Variants in WNT7B observed in about 807,000 individuals in gnomAD.
The protein encoded by WNT7B is protein Wnt-7b.
WNT7B carries 19 observed loss-of-function variants against 38.2 expected under a neutral mutation model. That is an observed-to-expected ratio of 0.50 (90% CI 0.35 to 0.73). The LOEUF (loss-of-function observed/expected upper bound fraction) is 0.73. Among genes scored for constraint, WNT7B ranks in the 30% least tolerant of loss-of-function variants. The pLI, the probability that WNT7B is intolerant of heterozygous loss-of-function variation, is 0.01. For synonymous variants in WNT7B, 243 were observed against 209.3 expected, an observed-to-expected ratio of 1.16 and a Z score of -1.39; for missense variants, 423 against 507.9, an observed-to-expected ratio of 0.83 and a Z score of 1.61.
At chr22:45,927,400 G>A in intron 3 of WNT7B, 1 of 1,526,318 alleles carries the variant, frequency 6.6e-7, no homozygotes, top group Non-Finnish European at 8.8e-7. Flanking sequence ...TCTCACTCTT[G>A]CCCATCAGGG....
chr22:45,937,931 C>T (rs1381063941), intron 2 of WNT7B, among the ~76,000 whole-genome samples: 2 of 152,088 alleles, frequency 1.3e-5, no homozygotes, highest in Admixed American at 1.3e-4. Flanking sequence ...ATCGCTTGAA[C>T]CTGGGAGGTG....
intron 2 of WNT7B, among the ~76,000 whole-genome samples, chr22:45,941,315 G>A (rs1354890468): frequency 6.6e-6 from 1 of 152,200 alleles, no homozygotes; most frequent in Non-Finnish European, 1.5e-5. Context: ...TTTGAGACCA[G>A]CCTGGCCAAC....
At chr22:45,937,412 C>T (rs938797285) in intron 2 of WNT7B, among the ~76,000 whole-genome samples, 1 of 152,236 alleles carries the variant, frequency 6.6e-6, no homozygotes, top group African/African-American at 2.4e-5. Flanking sequence ...GTCTCCCTAC[C>T]TGCAAAATGA....
In WNT7B at chr22:45,922,956, T is replaced by C. The variant is rs1368419500; in HGVS notation, c.950A>G (p.Gln317Arg). Reference protein sequence around the residue: ...MCCGRGYNTHQYTKVWQCNCK... With the variant: ...MCCGRGYNTHRYTKVWQCNCK... The stretch of plus-strand genomic sequence containing the variant: ...GTTGCACTGCCACACCTTGGTGTAC[T>C]GGTGGGTGTTGTAGCCTCGGCCGCA... Residue 317 changes from glutamine (Q) to arginine (R), a missense_variant, in exon 4 of 4, where the codon CAG (glutamine) becomes CGG (arginine). Gln to Arg is a conservative substitution (Grantham distance 43). Coordinates refer to ENST00000339464, the MANE Select transcript of WNT7B (RefSeq NM_058238.3). The C allele has an allele frequency of 6.2e-7, 1 of 1,613,412 alleles. No individual in the cohort carries two copies. The highest frequency in any genetic ancestry group is 1.1e-5 in the South Asian group (1 of 91,086).
At chr22:45,959,789 G>A (rs907713745) in intron 1 of WNT7B, among the ~76,000 whole-genome samples, 53 of 152,204 alleles carry the variant, frequency 3.5e-4, no homozygotes, top group African/African-American at 1.2e-3. Flanking sequence ...GTTCAGGGTG[G>A]AAGTAGCCCC....
chr22:45,945,291 C>G (rs1931767937), intron 2 of WNT7B, among the ~76,000 whole-genome samples: 1 of 152,144 alleles, frequency 6.6e-6, no homozygotes. Flanking sequence ...CCACGTTAGG[C>G]TGGTCTCAAA....
intron 3 of WNT7B, chr22:45,926,708 G>T: frequency 1.0e-6 from 1 of 985,124 alleles, no homozygotes; most frequent in Non-Finnish European, 1.2e-6. Context: ...CTAAGTAAGT[G>T]TGGCCCTGAC....
rs375765784 is a variant in WNT7B, at chr22:45,923,429, C to T, written c.571-94G>A. 2.8e-5 allele frequency: 41 copies of T among 1,480,816 alleles called. 1 individual carries two copies. The highest frequency in any genetic ancestry group is 1.8e-4 in the African/African-American group (13 of 71,138). The allele number at this position is 1,480,816 out of a possible 1,614,324, so 91.7% of individuals were successfully genotyped here. A position where few individuals can be genotyped will look rare whatever the true frequency, so the allele number is the denominator to read the frequency against. ...CTGCCTCTAGCCCAGCCCTGGAGCC[C>T]GCTCCTCCCCTTGGGCTGTGTGACC... On this transcript the variant is annotated intron_variant, in intron 3 of 3. Coordinates refer to ENST00000339464, the MANE Select transcript of WNT7B (RefSeq NM_058238.3).
At chr22:45,971,232 T>G (rs1601744189) in intron 1 of WNT7B, among the ~76,000 whole-genome samples, 10 of 105,722 alleles carry the variant, frequency 9.5e-5, no homozygotes, top group South Asian at 3.4e-4. Flanking sequence ...GTGGCCCGCG[T>G]GTAAAGGAGG....
chr22:45,930,872 C>T (rs1009866929), intron 3 of WNT7B, among the ~76,000 whole-genome samples: 5 of 152,198 alleles, frequency 3.3e-5, no homozygotes, highest in Admixed American at 1.3e-4. Flanking sequence ...GTGAGCATCG[C>T]GTTGGCATTC....
intron 2 of WNT7B, among the ~76,000 whole-genome samples, chr22:45,932,158 C>G (rs977515286): frequency 9.9e-5 from 15 of 152,048 alleles, no homozygotes; most frequent in African/African-American, 3.6e-4. Context: ...CTGGCACCTT[C>G]ACTGCTCCCC....
intron 1 of WNT7B, among the ~76,000 whole-genome samples, chr22:45,959,446 C>T (rs890604856): frequency 6.6e-5 from 10 of 152,150 alleles, no homozygotes; most frequent in Admixed American, 6.5e-5. Flanking sequence ...CGAGAGGGCA[C>T]AGCTCCCCGC....
At chr22:45,956,432 T>A (rs1387130336) in intron 1 of WNT7B, among the ~76,000 whole-genome samples, 1 of 152,070 alleles carries the variant, frequency 6.6e-6, no homozygotes, top group Admixed American at 6.5e-5. Flanking sequence ...CCCCGGGAGA[T>A]CAGGGACCAG....
At chr22:45,934,638 C>T (rs751674722) in intron 2 of WNT7B, among the ~76,000 whole-genome samples, 3 of 152,216 alleles carry the variant, frequency 2.0e-5, no homozygotes, top group Admixed American at 6.5e-5. Context: ...GGCAGATCCA[C>T]GGCTGGGTTT....
At chr22:45,945,321 C>T (rs1451907713) in intron 2 of WNT7B, among the ~76,000 whole-genome samples, 11 of 152,134 alleles carry the variant, frequency 7.2e-5, no homozygotes, top group African/African-American at 4.8e-5. Context: ...TCAAGTGATC[C>T]ACCCGCCTCA....
At chr22:45,943,032 TGC>T (rs777181137) in intron 2 of WNT7B, among the ~76,000 whole-genome samples, 31 of 138,534 alleles carry the variant, frequency 2.2e-4, no homozygotes, top group African/African-American at 9.1e-4. Context: ...TGTATGTGTG[TGC>T]GCGTGTGTGC....
At chr22:45,930,551 A>C (rs1364391328) in intron 3 of WNT7B, among the ~76,000 whole-genome samples, 3 of 152,086 alleles carry the variant, frequency 2.0e-5, no homozygotes, top group Non-Finnish European at 2.9e-5. Context: ...TCCCTGCCTG[A>C]ATTTCCTCCA....
At chr22:45,971,161 G>T (rs895723053) in intron 1 of WNT7B, among the ~76,000 whole-genome samples, 6 of 151,774 alleles carry the variant, frequency 4.0e-5, no homozygotes, top group Non-Finnish European at 7.4e-5. Context: ...GGGGGAGGGG[G>T]TGGCGCAGGG....
chr22:45,965,260 T>C lies in WNT7B; in HGVS notation c.71+11424A>G, dbSNP rs2146749090. Among the ~76,000 whole-genome samples the C allele has an allele frequency of 6.6e-6, 1 of 152,266 alleles. No homozygotes were observed. The highest frequency in any genetic ancestry group is 1.9e-4 in the East Asian group (1 of 5,168). On this transcript the variant is annotated intron_variant, in intron 1 of 3. Coordinates refer to ENST00000339464, the MANE Select transcript of WNT7B (RefSeq NM_058238.3). The surrounding 1 kb of genome is among the most constrained non-coding windows in gnomAD (Gnocchi z 6.5). ...AGAGGCTGCCTTACTTGAGAGGTCTTCCCTGGGCCACCCTCATCACAGATG... is the reference window on the plus strand; with the variant it reads ...AGAGGCTGCCTTACTTGAGAGGTCTCCCCTGGGCCACCCTCATCACAGATG...
Sources: gnomAD v4.1 joint callset for allele counts (sites outside exome capture counted in the v4.1 genomes callset) on GRCh38, gnomAD v4.1.1 for gene constraint, Gnocchi (gnomAD v3.1) non-coding constraint, MANE v1.5 for transcripts, NCBI Gene and HGNC (gene_info 2026-07-23, HGNC 2026-07-21) for gene names.